The following DDB2 variants were observed in gnomAD, a reference collection of about 807,000 sequenced individuals.
The protein encoded by DDB2 is damage specific DNA binding protein 2, also known as DNA damage-binding protein 2.
In DDB2, 27 loss-of-function variants were observed where a neutral mutation model predicts 50.5. The observed-to-expected ratio is 0.53, with a 90% CI of 0.39 to 0.74. DDB2 has a LOEUF of 0.74. Among genes scored for constraint, DDB2 ranks in the 30% least tolerant of loss-of-function variants. The probability of loss-of-function intolerance (pLI) is 0.00; values close to 1 mark genes in which losing one functional copy is unlikely to be tolerated. For synonymous variants in DDB2, 176 were observed against 205.5 expected (o/e 0.86, Z 1.23); for missense variants, 424 against 545.6 (o/e 0.78, Z 2.22).
At chr11:47,218,843 TCAAA>T (rs746246270) in intron 3 of DDB2, among the ~76,000 whole-genome samples, 29 of 152,310 alleles carry the variant, frequency 1.9e-4, no homozygotes, top group African/African-American at 4.8e-4. Context: ...GTGATTTTTC[TCAAA>T]CAAAGACACA....
At chr11:47,220,450 C>T (rs956867799) in intron 3 of DDB2, 2 of 152,170 alleles carry the variant, frequency 1.3e-5, no homozygotes, top group African/African-American at 4.8e-5. Flanking sequence ...GGAAGAGCTT[C>T]CTGACTAACA....
intron 3 of DDB2, among the ~76,000 whole-genome samples, chr11:47,229,015 A>ATCTG (rs1181827834): frequency 7.1e-6 from 1 of 141,348 alleles, no homozygotes; most frequent in African/African-American, 2.6e-5. Context: ...CTATCTATCT[A>ATCTG]TCTATCTTCC....
intron 1 of DDB2, 121 bp downstream of exon 1, chr11:47,215,384 C>T (rs1482090148): frequency 1.4e-6 from 2 of 1,455,414 alleles, no homozygotes; most frequent in Non-Finnish European, 1.9e-6. Flanking sequence ...GTGCCTCCGG[C>T]TGTGCATTCT....
chr11:47,225,495 G>A (rs1297200977), intron 3 of DDB2, among the ~76,000 whole-genome samples: 2 of 151,932 alleles, frequency 1.3e-5, no homozygotes, highest in East Asian at 1.9e-4. Context: ...GGGAGGCTGA[G>A]GCAGGAGAAT....
At chr11:47,235,067 C>A in intron 6 of DDB2, 133 bp downstream of exon 6, 1 of 1,307,276 alleles carries the variant, frequency 7.6e-7, no homozygotes, top group Non-Finnish European at 1.1e-6. Context: ...TGTCTGGGAA[C>A]CTTTGTGGCT....
intron 7 of DDB2, among the ~76,000 whole-genome samples, chr11:47,236,530 AC>A (rs985771464): frequency 2.6e-5 from 4 of 151,726 alleles, no homozygotes; most frequent in African/African-American, 7.3e-5. Flanking sequence ...CAGCAGCCAG[AC>A]CCCCCGGGTT....
chr11:47,230,724 C>T (rs1290063121), intron 3 of DDB2, among the ~76,000 whole-genome samples: 9 of 152,120 alleles, frequency 5.9e-5, no homozygotes, highest in Admixed American at 5.9e-4. Context: ...AGAACTTGTA[C>T]AGGTCTGTGA....
Position 47,232,808 on chromosome 11 carries a change from T to G in DDB2, c.457-6T>G. ...CACTCACTGGCTTTTTCCTTCCTCG[T>G]GTTAGATTGGAGCTGGAGGGAGCAT... On this transcript the variant is annotated splice_region_variant and splice_polypyrimidine_tract_variant and intron_variant, in intron 3 of 9. Coordinates refer to ENST00000256996, the MANE Select transcript of DDB2 (RefSeq NM_000107.3). 1 of 1,613,398 alleles carries G rather than the reference T, an allele frequency of 6.2e-7. No individual in the cohort carries two copies. Among genetic ancestry groups the G allele is most frequent in the Non-Finnish European group, 8.5e-7 (1 of 1,179,982 alleles).
At chr11:47,230,516 C>G (rs1276273010) in intron 3 of DDB2, among the ~76,000 whole-genome samples, 2 of 152,122 alleles carry the variant, frequency 1.3e-5, no homozygotes. Context: ...TTGGAATAAA[C>G]AGGTTTGAGA....
Position 47,215,079 on chromosome 11 carries a change from C to G in DDB2, c.-58C>G. 1 of 1,613,392 alleles carries G rather than the reference C, an allele frequency of 6.2e-7. No homozygotes were observed. Among genetic ancestry groups the G allele is most frequent in the Non-Finnish European group, 8.5e-7 (1 of 1,179,632 alleles). ...GCCTTGTTTCTCCCCAGAGGCCTCTCAATCCTCCCTCCATGATCTTCGCAT... is the reference window on the plus strand; with the variant it reads ...GCCTTGTTTCTCCCCAGAGGCCTCTGAATCCTCCCTCCATGATCTTCGCAT... On this transcript the variant is annotated 5_prime_UTR_variant, in exon 1 of 10. Transcript: ENST00000256996.
At chr11:47,219,682 A>G (rs1590990265) in intron 3 of DDB2, among the ~76,000 whole-genome samples, 1 of 152,318 alleles carries the variant, frequency 6.6e-6, no homozygotes, top group East Asian at 1.9e-4. Flanking sequence ...CACTGAATGA[A>G]ACTAAACACA....
chr11:47,215,841 T>C (rs919567711), intron 1 of DDB2: 5 of 270,022 alleles, frequency 1.9e-5, no homozygotes, highest in African/African-American at 1.1e-4. Context: ...GAGTTGTTGC[T>C]TTATTGCTAT....
intron 7 of DDB2, among the ~76,000 whole-genome samples, chr11:47,236,536 C>T (rs757768415): frequency 5.9e-5 from 9 of 152,172 alleles, no homozygotes; most frequent in East Asian, 1.9e-4. Context: ...CCAGACCCCC[C>T]GGGTTAGAAT....
At chr11:47,217,378 AAAT>A (rs746180649) in intron 3 of DDB2, 48 of 159,760 alleles carry the variant, frequency 3.0e-4, no homozygotes, top group South Asian at 1.2e-3. Context: ...CTCCATCTCA[AAAT>A]AATAATAATA....
chr11:47,215,021 G>A lies in DDB2; in HGVS notation c.-116G>A. The A allele has an allele frequency of 6.0e-6, 9 of 1,510,864 alleles. No individual in the cohort carries two copies. The highest frequency in any genetic ancestry group is 6.4e-6 in the Non-Finnish European group (7 of 1,091,548). 93.6% of individuals were successfully genotyped at this position (1,510,864 alleles called of 1,614,324 possible). A position where few individuals can be genotyped will look rare whatever the true frequency, so the allele number is the denominator to read the frequency against. The stretch of plus-strand genomic sequence containing the variant: ...GTTTGGCGGGAAGTTGGCTTAGCTC[G>A]GCTACCTGTGGCCCCGCAGTTTTGT... On this transcript the variant is annotated 5_prime_UTR_variant, in exon 1 of 10. Coordinates refer to ENST00000256996, the MANE Select transcript of DDB2 (RefSeq NM_000107.3).
At position 47,235,388 on chromosome 11, in the gene DDB2, C is replaced by G. The variant is rs1305901484; in HGVS notation, c.999C>G (p.His333Gln). 1 of 1,613,252 alleles carries G rather than the reference C, an allele frequency of 6.2e-7. No homozygotes were observed. Among genetic ancestry groups the G allele is most frequent in the African/African-American group, 1.3e-5 (1 of 74,940 alleles). Reference protein sequence around the residue: ...PLGLIPHPHRHFQHLTPIKAA... With the variant: ...PLGLIPHPHRQFQHLTPIKAA... ...GCCTGATCCCGCACCCTCACCGTCA[C>G]TTCCAGCACCTCACACCCATCAAGG... Residue 333 changes from histidine (H) to glutamine (Q), a missense_variant, in exon 7 of 10, where the codon CAC becomes CAG. Transcript: ENST00000256996.
chr11:47,214,645 C>G (rs1187878182), upstream of DDB2: 1 of 194,722 alleles, frequency 5.1e-6, no homozygotes, highest in African/African-American at 2.4e-5. Context: ...GTGGCGTACG[C>G]TTGTAGTCCC....
upstream of DDB2, chr11:47,214,798 C>G (rs1479600518): frequency 1.8e-5 from 7 of 391,224 alleles, no homozygotes; most frequent in East Asian, 3.2e-4. Flanking sequence ...TCCATAAAGC[C>G]GGGGACCATC....
In DDB2 at chr11:47,234,741, G is replaced by C. The variant is rs765551156; in HGVS notation, c.703-16G>C. On this transcript the variant is annotated splice_polypyrimidine_tract_variant and intron_variant, in intron 5 of 9. Transcript: ENST00000256996. ...TCGGTTCTGTGTCCCCACCTGAACC[G>C]AGCTCTTCTCTGCAGCTTTGGAATC... The C allele has an allele frequency of 6.2e-7, 1 of 1,614,044 alleles. No homozygotes were observed. The highest frequency in any genetic ancestry group is 8.5e-7 in the Non-Finnish European group (1 of 1,179,962).
Sources: gnomAD v4.1 joint callset for allele counts (sites outside exome capture counted in the v4.1 genomes callset) on GRCh38, gnomAD v4.1.1 for gene constraint, MANE v1.5 for transcripts, NCBI Gene and HGNC (gene_info 2026-07-23, HGNC 2026-07-21) for gene names.